The following CSMD3 variants were observed in gnomAD, a reference collection of about 807,000 sequenced individuals.
CSMD3 encodes the protein CUB and Sushi multiple domains 3.
In CSMD3, 177 loss-of-function variants were observed where a neutral mutation model predicts 435.2. The ratio of observed to expected loss-of-function variants is 0.41; its 90% confidence interval spans 0.36 to 0.46. The LOEUF is 0.46. Among genes scored for constraint, CSMD3 ranks in the 20% least tolerant of loss-of-function variants. CSMD3 has a pLI of 0.34. For missense variants in CSMD3, 4,265 were observed against 4,504.6 expected (o/e 0.95, Z 1.52); for synonymous variants, 1,656 against 1,520.5 (o/e 1.09, Z -2.07).
chr8:113,205,787 T>C (rs952529857), intron 3 of CSMD3, among the ~76,000 whole-genome samples: 2 of 152,206 alleles, frequency 1.3e-5, no homozygotes, highest in African/African-American at 4.8e-5. Flanking sequence ...TTTAGGAAAG[T>C]AGTGATATAC....
At chr8:112,307,411 A>G (rs747021874) in intron 50 of CSMD3, among the ~76,000 whole-genome samples, 6 of 152,050 alleles carry the variant, frequency 3.9e-5, no homozygotes, top group Non-Finnish European at 5.9e-5. Context: ...CCTCCTGAGT[A>G]TCTGGGACTA....
At chr8:113,352,473 G>A (rs1295901710) in intron 1 of CSMD3, among the ~76,000 whole-genome samples, 1 of 152,004 alleles carries the variant, frequency 6.6e-6, no homozygotes, top group Non-Finnish European at 1.5e-5. Flanking sequence ...AGAACTGTGA[G>A]AATAAACTTC....
chr8:113,129,134 T>C (rs573803129), intron 4 of CSMD3, among the ~76,000 whole-genome samples: 98 of 152,278 alleles, frequency 6.4e-4, no homozygotes, highest in Middle Eastern at 3.4e-3. Flanking sequence ...TGGATTTTCA[T>C]ATACACAGAG....
intron 6 of CSMD3, among the ~76,000 whole-genome samples, chr8:113,013,781 A>G (rs2086349035): frequency 3.3e-5 from 5 of 152,112 alleles, no homozygotes; most frequent in Admixed American, 2.6e-4. Flanking sequence ...ATTGATATTC[A>G]GTATCCATTC....
intron 9 of CSMD3, among the ~76,000 whole-genome samples, chr8:112,923,808 C>T (rs960714856): frequency 1.8e-4 from 28 of 152,130 alleles, no homozygotes; most frequent in African/African-American, 6.8e-4. Flanking sequence ...TTAAAGCTAT[C>T]TTTTGCAGAT....
chr8:112,752,898 C>T (rs531337745), intron 13 of CSMD3, among the ~76,000 whole-genome samples: 2 of 96,018 alleles, frequency 2.1e-5, no homozygotes, highest in East Asian at 2.6e-4. Context: ...TATTTGTTAC[C>T]GCGTGTGTGT....
intron 30 of CSMD3, among the ~76,000 whole-genome samples, chr8:112,499,886 G>A (rs1472586090): frequency 1.3e-5 from 2 of 151,860 alleles, no homozygotes; most frequent in East Asian, 1.9e-4. Context: ...GAGGAGGGCC[G>A]GATCATGAGG....
intron 31 of CSMD3, among the ~76,000 whole-genome samples, chr8:112,490,654 G>C (rs543288306): frequency 6.6e-6 from 1 of 151,984 alleles, no homozygotes; most frequent in Admixed American, 6.5e-5. Context: ...ATGACTTTTA[G>C]TTATTTTGAA....
At chr8:112,472,196 T>C (rs1341047541) in intron 32 of CSMD3, among the ~76,000 whole-genome samples, 2 of 152,212 alleles carry the variant, frequency 1.3e-5, no homozygotes, top group Non-Finnish European at 2.9e-5. Flanking sequence ...ATATGATTGC[T>C]TTGTAAATAC....
intron 38 of CSMD3, among the ~76,000 whole-genome samples, chr8:112,361,844 T>C (rs1827274670): frequency 6.6e-6 from 1 of 151,554 alleles, no homozygotes; most frequent in Non-Finnish European, 1.5e-5. Context: ...AAAAGTTAAA[T>C]CATGTGTCTT....
At chr8:112,920,644 A>C (rs2082705719) in intron 10 of CSMD3, among the ~76,000 whole-genome samples, 1 of 151,818 alleles carries the variant, frequency 6.6e-6, no homozygotes, top group Admixed American at 6.6e-5. Context: ...AGATGATGAT[A>C]TTTACACTAT....
intron 5 of CSMD3, among the ~76,000 whole-genome samples, chr8:113,027,992 T>C (rs1308759808): frequency 6.6e-6 from 1 of 152,164 alleles, no homozygotes; most frequent in Non-Finnish European, 1.5e-5. Context: ...CCTCTTTTTT[T>C]GCATTTTTGT....
rs770460606 is a variant in CSMD3 at position 112,237,252 on chromosome 8, T to C, written c.10565A>G (p.Asn3522Ser). 13 of 1,613,466 alleles carry C rather than the reference T, an allele frequency of 8.1e-6. No individual in the cohort carries two copies. The highest frequency in any genetic ancestry group is 6.6e-5 in the South Asian group (6 of 91,082). ...QPMTLTVTSFNASTGRVNATL... is the reference protein window; with the variant it reads ...QPMTLTVTSFSASTGRVNATL... Reference sequence around the variant, plus strand: ...TGCGTTAACTCTCCCAGTGGAAGCATTGAAACTAGTAACTGTTAAGGTCAT... The same window carrying C: ...TGCGTTAACTCTCCCAGTGGAAGCACTGAAACTAGTAACTGTTAAGGTCAT... The change falls in exon 67 of 71, where the codon AAT becomes AGT. Residue 3522 changes from asparagine (N) to serine (S), a missense_variant. Asn to Ser is a conservative substitution (Grantham distance 46, BLOSUM62 1). Coordinates refer to ENST00000297405, the MANE Select transcript of CSMD3 (RefSeq NM_198123.2).
chr8:112,466,136 C>T (rs903376087), intron 32 of CSMD3, among the ~76,000 whole-genome samples: 2 of 151,906 alleles, frequency 1.3e-5, no homozygotes, highest in African/African-American at 4.8e-5. Context: ...GGTTTTAATG[C>T]AATTGTACTG....
At chr8:112,333,930 T>C (rs1463437093) in intron 45 of CSMD3, among the ~76,000 whole-genome samples, 1 of 152,230 alleles carries the variant, frequency 6.6e-6, no homozygotes, top group African/African-American at 2.4e-5. Context: ...TTTATCTTAA[T>C]GATTATGTAT....
At chr8:112,227,602 G>T (rs1032762822) in intron 70 of CSMD3, among the ~76,000 whole-genome samples, 1 of 152,042 alleles carries the variant, frequency 6.6e-6, no homozygotes, top group Non-Finnish European at 1.5e-5. Context: ...GTTGACTTAG[G>T]TTGTCCTATA....
At position 112,346,172 on chromosome 8, in the gene CSMD3, G is replaced by T. The variant is rs2131023709; in HGVS notation, c.6367C>A (p.Leu2123Ile). The T allele has an allele frequency of 6.2e-7, 1 of 1,613,502 alleles. No individual in the cohort carries two copies. Among genetic ancestry groups the T allele is most frequent in the African/African-American group, 1.3e-5 (1 of 75,012 alleles). Residue 2123 changes from leucine to isoleucine, a missense_variant, in exon 41 of 71, where the codon CTC becomes ATC. Around this residue, in one of 3 missense-constraint regions of CSMD3, gnomAD observed 3,255 missense variants for 3,380.2 expected, o/e 0.96. Transcript: ENST00000297405. ...TAGTTTCCAGGAAACCCAGGACTGA[G>T]GATCACACCACTGAAGTCTGACATA... ...GAMSDFSGVI[L>I]SPGFPGNYPS...
At chr8:113,047,906 C>G (rs1371147098) in intron 5 of CSMD3, among the ~76,000 whole-genome samples, 1 of 152,034 alleles carries the variant, frequency 6.6e-6, no homozygotes, top group Non-Finnish European at 1.5e-5. Context: ...TTTCAGAATA[C>G]TACTGTAACT....
At chr8:112,898,811 A>G (rs1461652039) in intron 10 of CSMD3, among the ~76,000 whole-genome samples, 1 of 151,280 alleles carries the variant, frequency 6.6e-6, no homozygotes. Context: ...TCATTATAAG[A>G]AGATATGCTG....
Sources: allele counts gnomAD v4.1 joint callset (sites outside exome capture counted in the v4.1 genomes callset), GRCh38; gene constraint gnomAD v4.1.1; regional missense constraint gnomAD v4.1.1; transcripts MANE v1.5; gene names NCBI Gene and HGNC (gene_info 2026-07-23, HGNC 2026-07-21).